DIP2C: variants seen among roughly 807,000 people sequenced by gnomAD.
The protein encoded by DIP2C is DIP2 acetate--CoA ligase C (putative).
DIP2C carries 33 observed loss-of-function variants against 192.4 expected under a neutral mutation model. The ratio of observed to expected loss-of-function variants is 0.17; its 90% confidence interval spans 0.13 to 0.23. The LOEUF (loss-of-function observed/expected upper bound fraction) is 0.23, where lower values mean the gene tolerates loss of function less well. Ranked by LOEUF, DIP2C falls within the 10% of genes least tolerant of loss-of-function variation. DIP2C has a pLI of 1.00. For synonymous variants in DIP2C, 979 were observed against 864.1 expected (o/e 1.13, Z -2.33); for missense variants, 1,537 against 2,110.1 (o/e 0.73, Z 5.32).
At chr10:467,014 C>G (rs1970260563) in intron 3 of DIP2C, among the ~76,000 whole-genome samples, 1 of 150,594 alleles carries the variant, frequency 6.6e-6, no homozygotes, top group Non-Finnish European at 1.5e-5. Flanking sequence ...ACCATTTGAC[C>G]CAGCCATCCC....
chr10:405,520 TAAGG>T, intron 9 of DIP2C, among the ~76,000 whole-genome samples: 1 of 152,238 alleles, frequency 6.6e-6, no homozygotes, highest in East Asian at 1.9e-4. Context: ...CAATTTGTTT[TAAGG>T]AAGAGAACGT....
At chr10:415,999 T>C (rs1012904677) in intron 6 of DIP2C, 111 bp from the exon 7 acceptor site, 29 of 1,510,466 alleles carry the variant, frequency 1.9e-5, no homozygotes, top group Non-Finnish European at 2.6e-5. Flanking sequence ...ACAGGCTGCA[T>C]CCTAGATGCG....
At chr10:572,990 C>T (rs879401072) in intron 1 of DIP2C, among the ~76,000 whole-genome samples, 7 of 152,104 alleles carry the variant, frequency 4.6e-5, no homozygotes, top group Admixed American at 6.6e-5. Context: ...TACCCAACTG[C>T]GGACTGAGGC....
intron 1 of DIP2C, among the ~76,000 whole-genome samples, chr10:525,556 A>T (rs184609364): frequency 1.2e-3 from 189 of 152,350 alleles, no homozygotes; most frequent in African/African-American, 4.3e-3. Context: ...GGAACAAAGA[A>T]GATTCTGAAT....
At chr10:568,800 C>CAAAAAAAAAA (rs1554739052) in intron 1 of DIP2C, among the ~76,000 whole-genome samples, 2 of 9,514 alleles carry the variant, frequency 2.1e-4, no homozygotes, top group Admixed American at 8.1e-4. Flanking sequence ...AAAAAAAAAC[C>CAAAAAAAAAA]TTCACTTGAT....
At chr10:361,792 C>G (rs1009482889) in intron 22 of DIP2C, among the ~76,000 whole-genome samples, 1 of 152,190 alleles carries the variant, frequency 6.6e-6, no homozygotes, top group African/African-American at 2.4e-5. Flanking sequence ...GTTTTCCACC[C>G]TTTCAGAGCA....
At chr10:418,665 C>T (rs1451265499) in intron 6 of DIP2C, among the ~76,000 whole-genome samples, 1 of 152,236 alleles carries the variant, frequency 6.6e-6, no homozygotes, top group Non-Finnish European at 1.5e-5. Flanking sequence ...AACATATCAG[C>T]CCATCTGACA....
intron 30 of DIP2C, among the ~76,000 whole-genome samples, chr10:328,381 A>G (rs528841675): frequency 3.0e-4 from 46 of 152,348 alleles, no homozygotes; most frequent in African/African-American, 1.0e-3. Flanking sequence ...TCTCTATGAC[A>G]TAAGTTTCCT....
chr10:498,426 C>T (rs552711979), intron 1 of DIP2C, among the ~76,000 whole-genome samples: 9 of 152,158 alleles, frequency 5.9e-5, no homozygotes, highest in Admixed American at 2.6e-4. Context: ...ATCAGCAGTC[C>T]GGGCCACAGA....
intron 1 of DIP2C, among the ~76,000 whole-genome samples, chr10:559,693 C>CT (rs1341394721): frequency 6.6e-6 from 1 of 152,158 alleles, no homozygotes; most frequent in African/African-American, 2.4e-5. Flanking sequence ...CCACATGCCC[C>CT]TCAGGGTCAC....
At chr10:440,811 A>C in intron 4 of DIP2C, 60 bp downstream of exon 4, 1 of 1,549,190 alleles carries the variant, frequency 6.5e-7, no homozygotes, top group Non-Finnish European at 8.7e-7. Context: ...TTGCTGGGCT[A>C]GGTCAATTCT....
chr10:583,296 T>C (rs952973293), intron 1 of DIP2C, among the ~76,000 whole-genome samples: 1 of 152,240 alleles, frequency 6.6e-6, no homozygotes, highest in African/African-American at 2.4e-5. Context: ...AGCACCTCTC[T>C]TAGCAGAAAG....
At chr10:484,898 C>A in intron 2 of DIP2C, 1 of 1,611,928 alleles carries the variant, frequency 6.2e-7, no homozygotes, top group Non-Finnish European at 8.5e-7. Context: ...CTCCTCGGCG[C>A]TCCTTCACTG....
chr10:612,751 T>C (rs1187134453), intron 1 of DIP2C, among the ~76,000 whole-genome samples: 1 of 152,192 alleles, frequency 6.6e-6, no homozygotes, highest in Admixed American at 6.5e-5. Flanking sequence ...AAGGTCCTAA[T>C]TTACACACAT....
At chr10:544,155 T>C (rs1393392798) in intron 1 of DIP2C, among the ~76,000 whole-genome samples, 1 of 151,198 alleles carries the variant, frequency 6.6e-6, no homozygotes, top group African/African-American at 2.5e-5. Flanking sequence ...ACCTTTGGTG[T>C]GACCTTTGGT....
chr10:590,939 AGTCT>A (rs894474738), intron 1 of DIP2C, among the ~76,000 whole-genome samples: 5 of 132,268 alleles, frequency 3.8e-5, no homozygotes, highest in African/African-American at 2.1e-4. Flanking sequence ...CCGAGCCTCC[AGTCT>A]GTCCCCCACC....
chr10:634,140 C>T (rs1854689868), intron 1 of DIP2C, among the ~76,000 whole-genome samples: 1 of 152,178 alleles, frequency 6.6e-6, no homozygotes, highest in Non-Finnish European at 1.5e-5. Flanking sequence ...GCCTCCCAGT[C>T]CACAGCTCAG....
At position 337,548 on chromosome 10, in the gene DIP2C, G is replaced by T. The variant is rs183784206; in HGVS notation, c.3584+3651C>A. 2.5e-3 allele frequency among the ~76,000 whole-genome samples: 344 copies of T among 139,306 alleles called. 4 individuals are homozygous for T. Among genetic ancestry groups the T allele is most frequent in the African/African-American group, 8.7e-3 (324 of 37,310 alleles). The allele number at this position is 139,306 out of a possible 152,430, so 91.4% of individuals were successfully genotyped here. ...GTGCGTGTGTGTTGTAGAGGCCTAG[G>T]AAGCTGTGTGTGTGCTGTGGAGGCC... On this transcript the variant is annotated intron_variant, in intron 29 of 36. Coordinates refer to ENST00000280886, the MANE Select transcript of DIP2C (RefSeq NM_014974.3).
At position 344,917 on chromosome 10, in the gene DIP2C, A is replaced by G. The variant is rs1340004695; in HGVS notation, c.3345T>C (p.Asp1115=). Residue 1115 remains aspartate (D), a splice_region_variant and synonymous_variant, in exon 28 of 37, where the codon GAT becomes GAC. Coordinates refer to ENST00000280886, the MANE Select transcript of DIP2C (RefSeq NM_014974.3). The part of the protein sequence containing the change: ...VRTWPLILDT[D]DLPKKRPAQI... Reference sequence around the variant, plus strand: ...GGGCAGGCCGCTTCTTTGGCAAATCATCTGGAGAGGAACATGACTATCAGC... The same window carrying G: ...GGGCAGGCCGCTTCTTTGGCAAATCGTCTGGAGAGGAACATGACTATCAGC... 1 of 1,606,076 alleles carries G rather than the reference A, an allele frequency of 6.2e-7. No homozygotes were observed. Among genetic ancestry groups the G allele is most frequent in the Non-Finnish European group, 8.5e-7 (1 of 1,177,182 alleles).
Sources: allele counts gnomAD v4.1 joint callset (sites outside exome capture counted in the v4.1 genomes callset), GRCh38; gene constraint gnomAD v4.1.1; transcripts MANE v1.5; gene names NCBI Gene and HGNC (gene_info 2026-07-23, HGNC 2026-07-21).